Variants in SUGCT observed in about 807,000 individuals in gnomAD.
SUGCT encodes succinyl-CoA:glutarate-CoA transferase, also known as succinyl-CoA:glutarate CoA-transferase.
Under a neutral mutation model 55.0 loss-of-function variants are expected in SUGCT, and 41 were observed. That is an observed-to-expected ratio of 0.74 (90% confidence interval 0.58 to 0.97). The LOEUF is 0.97. Among genes scored for constraint, SUGCT ranks in the 50% least tolerant of loss-of-function variants. The pLI is 0.00. For missense variants in SUGCT, 568 were observed against 547.8 expected (o/e 1.04, Z -0.37); for synonymous variants, 187 against 200.4 (o/e 0.93, Z 0.56).
chr7:40,276,467 A>C (rs1195814369), intron 8 of SUGCT, among the ~76,000 whole-genome samples: 1 of 152,180 alleles, frequency 6.6e-6, no homozygotes, highest in African/African-American at 2.4e-5. Context: ...AATAACATCC[A>C]CAGGAGGCCC....
At chr7:40,577,629 A>G (rs1057291920) in intron 12 of SUGCT, among the ~76,000 whole-genome samples, 4 of 152,184 alleles carry the variant, frequency 2.6e-5, no homozygotes, top group African/African-American at 9.7e-5. Context: ...TTTAGCTGTC[A>G]GTGCTATATG....
chr7:40,675,536 G>C (rs1783928096), intron 12 of SUGCT, among the ~76,000 whole-genome samples: 1 of 152,198 alleles, frequency 6.6e-6, no homozygotes, highest in Admixed American at 6.5e-5. Flanking sequence ...CTGAGGCCTG[G>C]ATTAATAGAA....
intron 11 of SUGCT, among the ~76,000 whole-genome samples, chr7:40,496,079 A>G (rs1413813638): frequency 6.6e-6 from 1 of 152,198 alleles, no homozygotes. Context: ...ATTTTTAAAC[A>G]CTAGCACCTG....
intron 8 of SUGCT, among the ~76,000 whole-genome samples, chr7:40,280,504 G>A (rs1218738239): frequency 6.6e-6 from 1 of 152,032 alleles, no homozygotes; most frequent in Non-Finnish European, 1.5e-5. Flanking sequence ...ACTACAATGA[G>A]TTAGTTTTTT....
chr7:40,325,410 T>A (rs1795977036), intron 9 of SUGCT, among the ~76,000 whole-genome samples: 1 of 152,160 alleles, frequency 6.6e-6, no homozygotes, highest in African/African-American at 2.4e-5. Context: ...GTAACAATAA[T>A]CATGATGGTT....
chr7:40,812,434 T>C (rs1791470223), intron 13 of SUGCT, among the ~76,000 whole-genome samples: 1 of 152,154 alleles, frequency 6.6e-6, no homozygotes, highest in African/African-American at 2.4e-5. Context: ...TTCAACTTCT[T>C]CCTGATTCGA....
intron 9 of SUGCT, among the ~76,000 whole-genome samples, chr7:40,365,946 A>G (rs1783929211): frequency 5.9e-5 from 9 of 152,178 alleles, no homozygotes; most frequent in Admixed American, 6.5e-5. Flanking sequence ...AAAAGAGCTC[A>G]CATCGCCAAG....
intron 12 of SUGCT, chr7:40,684,164 A>G: frequency 2.6e-6 from 4 of 1,558,330 alleles, no homozygotes; most frequent in Non-Finnish European, 2.6e-6. Context: ...ACTACATCTC[A>G]CTTCCTGCAG....
chr7:40,267,947 T>C (rs773654628), intron 7 of SUGCT, among the ~76,000 whole-genome samples: 4 of 152,304 alleles, frequency 2.6e-5, no homozygotes, highest in East Asian at 1.9e-4. Context: ...TAAAACTTCA[T>C]TGAAATAAAA....
At position 40,486,747 on chromosome 7, in the gene SUGCT, G is replaced by A. The variant is rs368663752; in HGVS notation, c.987-9537G>A. ...TCCTTTTTTTTTTTTTTCAATTGAA[G>A]TGAAGTCTTGCACTGTTGTCCAGGC... On this transcript the variant is annotated intron_variant, in intron 11 of 13. Coordinates refer to ENST00000335693, the MANE Select transcript of SUGCT (RefSeq NM_001193313.2). Among the ~76,000 whole-genome samples the A allele has an allele frequency of 3.6e-4, 48 of 135,192 alleles. 3 individuals are homozygous for A. In the East Asian group the frequency reaches 4.1e-3, roughly 12 times the overall value. 88.7% of individuals were successfully genotyped at this position (135,192 alleles called of 152,430 possible). A position where few individuals can be genotyped will look rare whatever the true frequency, so the allele number is the denominator to read the frequency against.
intron 12 of SUGCT, among the ~76,000 whole-genome samples, chr7:40,731,678 G>A (rs184106402): frequency 1.3e-3 from 198 of 152,120 alleles, no homozygotes; most frequent in Non-Finnish European, 2.4e-3. Context: ...TAAAGTGGAA[G>A]AAATGTAAAT....
At chr7:40,889,897 A>T in the SUGCT span, among the ~76,000 whole-genome samples, 1 of 151,108 alleles carries the variant, frequency 6.6e-6, no homozygotes, top group Non-Finnish European at 1.5e-5. Flanking sequence ...CTACCCTTTT[A>T]CCCCCTTGTT....
chr7:40,148,270 C>A (rs552808773), intron 1 of SUGCT, among the ~76,000 whole-genome samples: 2 of 152,208 alleles, frequency 1.3e-5, no homozygotes, highest in South Asian at 2.1e-4. Flanking sequence ...CATATTGATT[C>A]TTTGAAAAGA....
chr7:40,392,650 C>G (rs1464372947), intron 9 of SUGCT, among the ~76,000 whole-genome samples: 1 of 151,978 alleles, frequency 6.6e-6, no homozygotes, highest in East Asian at 1.9e-4. Context: ...TCACCCATAT[C>G]GATGACATTG....
rs112498253 is a variant in SUGCT at position 40,303,925 on chromosome 7, G to A, written c.721-12835G>A. ...AGCCTGGCCAACATGGCAAAACCCC[G>A]TCTCTACTAAAAATAAAAAAATTAG... On this transcript the variant is annotated intron_variant, in intron 8 of 13. Coordinates refer to ENST00000335693, the MANE Select transcript of SUGCT (RefSeq NM_001193313.2). Among the ~76,000 whole-genome samples, 855 of 151,834 alleles carry A rather than the reference G, an allele frequency of 5.6e-3. 8 individuals are homozygous for A. Among genetic ancestry groups the A allele is most frequent in the African/African-American group, 0.019 (799 of 41,388 alleles).
rs374592093 is a variant in SUGCT at position 40,427,733 on chromosome 7, G to A, written c.817-21554G>A. Among the ~76,000 whole-genome samples the A allele has an allele frequency of 2.0e-3, 305 of 152,276 alleles. 12 individuals carry two copies. The South Asian group carries it at 0.059, about 29-fold the overall frequency. ...GAGGAATTCCTATGGAGCAAGAATA[G>A]GCAGAGAGGCCTTCCGATTGTAATG... On this transcript the variant is annotated intron_variant, in intron 9 of 13. Coordinates refer to ENST00000335693, the MANE Select transcript of SUGCT (RefSeq NM_001193313.2).
chr7:40,534,390 TC>T (rs947922594), intron 12 of SUGCT, among the ~76,000 whole-genome samples: 3 of 152,198 alleles, frequency 2.0e-5, no homozygotes, highest in African/African-American at 7.2e-5. Context: ...GTTCTTAATT[TC>T]TTTTTTTTTT....
the SUGCT span, among the ~76,000 whole-genome samples, chr7:40,915,575 C>G: frequency 1.8e-4 from 27 of 152,046 alleles, no homozygotes; most frequent in African/African-American, 6.5e-4. Context: ...TCACAGAAAA[C>G]AAAAGACCAA....
intron 9 of SUGCT, among the ~76,000 whole-genome samples, chr7:40,378,075 C>A (rs980161259): frequency 1.3e-5 from 2 of 151,906 alleles, no homozygotes. Flanking sequence ...TAGTATGGAA[C>A]CACCTTGGAG....
Sources: gnomAD v4.1 joint callset for allele counts (sites outside exome capture counted in the v4.1 genomes callset) on GRCh38, gnomAD v4.1.1 for gene constraint, MANE v1.5 for transcripts, NCBI Gene and HGNC (gene_info 2026-07-23, HGNC 2026-07-21) for gene names.